ANKRD45: variants seen among roughly 807,000 people sequenced by gnomAD.
The protein encoded by ANKRD45 is ankyrin repeat domain-containing protein 45.
In ANKRD45, 21 loss-of-function variants were observed where a neutral mutation model predicts 28.1. That is an observed-to-expected ratio of 0.75 (90% CI 0.53 to 1.08). ANKRD45 has a LOEUF of 1.08. ANKRD45 is among the 50% of genes least tolerant of loss of function. The pLI is 0.00. For synonymous variants in ANKRD45, 86 were observed against 103.9 expected, an observed-to-expected ratio of 0.83 and a Z score of 1.05; for missense variants, 261 against 308.7, an observed-to-expected ratio of 0.85 and a Z score of 1.16.
In ANKRD45 at chr1:173,659,188, C is replaced by G. The variant is rs1385597682; in HGVS notation, c.231G>C (p.Gly77=). The change falls in exon 2 of 6, where the codon GGG becomes GGC. Residue 77 remains glycine, a synonymous_variant. Coordinates refer to ENST00000333279, the MANE Select transcript of ANKRD45 (RefSeq NM_198493.3). ...MQLLLEEDIV[G]RNLLYAACMA... is the part of the protein sequence containing the mutation. ...TGCAAGCTGCATACAACAAATTTCT[C>G]CCAACGATGTCTTCTTCTAAGAGAA... 1 of 1,614,080 alleles carries G rather than the reference C, an allele frequency of 6.2e-7. No homozygotes were observed. The highest frequency in any genetic ancestry group is 1.1e-5 in the South Asian group (1 of 91,080).
At chr1:173,644,993 CAAA>C (rs34936839) in intron 3 of ANKRD45, among the ~76,000 whole-genome samples, 14 of 131,322 alleles carry the variant, frequency 1.1e-4, no homozygotes, top group Non-Finnish European at 9.6e-5. Context: ...AACTCCATCT[CAAA>C]AAAAAAAAAA....
At chr1:173,708,098 C>T in the ANKRD45 span, among the ~76,000 whole-genome samples, 2 of 152,200 alleles carry the variant, frequency 1.3e-5, no homozygotes, top group Non-Finnish European at 2.9e-5. Flanking sequence ...TCAGCTATTT[C>T]TATTTTTAGA....
chr1:173,692,323 A>G, the ANKRD45 span, among the ~76,000 whole-genome samples: 3 of 152,222 alleles, frequency 2.0e-5, no homozygotes, highest in African/African-American at 7.2e-5. Context: ...TAAGATGAAC[A>G]TTGGTTCCGT....
At chr1:173,670,254 G>C (rs1483920536), upstream of ANKRD45, among the ~76,000 whole-genome samples, 1 of 152,088 alleles carries the variant, frequency 6.6e-6, no homozygotes, top group East Asian at 1.9e-4. Flanking sequence ...CCTCACAAGT[G>C]CCAACTACCT....
At chr1:173,682,048 C>CA in the ANKRD45 span, among the ~76,000 whole-genome samples, 691 of 88,578 alleles carry the variant, frequency 7.8e-3, 2 homozygotes, top group Middle Eastern at 0.045. Flanking sequence ...GACTCTGTCT[C>CA]AAAAAAAAAA....
At chr1:173,614,626 G>A (rs1182867946) in intron 5 of ANKRD45, among the ~76,000 whole-genome samples, 3 of 152,012 alleles carry the variant, frequency 2.0e-5, no homozygotes, top group Admixed American at 2.0e-4. Context: ...TACTTTTGCA[G>A]TCATTTACAG....
intron 3 of ANKRD45, among the ~76,000 whole-genome samples, chr1:173,629,643 A>G (rs1444740881): frequency 6.6e-6 from 1 of 152,128 alleles, no homozygotes; most frequent in East Asian, 1.9e-4. Context: ...AAAACAATGA[A>G]GCACTCCTAT....
At chr1:173,641,384 G>A (rs1222757208) in intron 3 of ANKRD45, among the ~76,000 whole-genome samples, 3 of 152,158 alleles carry the variant, frequency 2.0e-5, no homozygotes, top group African/African-American at 7.2e-5. Context: ...ATCATGCCAA[G>A]CTCTCTCTGC....
the ANKRD45 span, among the ~76,000 whole-genome samples, chr1:173,713,491 T>C: frequency 6.6e-6 from 1 of 152,230 alleles, no homozygotes; most frequent in African/African-American, 2.4e-5. Flanking sequence ...TGAGCCTGAA[T>C]TCTGTTAAGT....
chr1:173,638,978 CAT>C (rs1428133993), intron 3 of ANKRD45, among the ~76,000 whole-genome samples: 1 of 152,118 alleles, frequency 6.6e-6, no homozygotes, highest in Non-Finnish European at 1.5e-5. Flanking sequence ...AGGAGAAAAA[CAT>C]AATAGGTATT....
chr1:173,672,484 A>G (rs563743145), upstream of ANKRD45, among the ~76,000 whole-genome samples: 3 of 152,354 alleles, frequency 2.0e-5, no homozygotes, highest in South Asian at 4.1e-4. Flanking sequence ...ATTAATCTTC[A>G]GGGGATATGA....
chr1:173,706,914 G>A, the ANKRD45 span, among the ~76,000 whole-genome samples: 2 of 152,132 alleles, frequency 1.3e-5, no homozygotes, highest in South Asian at 4.1e-4. Flanking sequence ...TCACAAATGA[G>A]TGCATTCTTC....
At chr1:173,707,220 C>T in the ANKRD45 span, among the ~76,000 whole-genome samples, 1 of 151,708 alleles carries the variant, frequency 6.6e-6, no homozygotes, top group Admixed American at 6.6e-5. Flanking sequence ...TGTGTTTTTC[C>T]TAATTGTCAT....
chr1:173,682,139 A>G, the ANKRD45 span, among the ~76,000 whole-genome samples: 2 of 152,142 alleles, frequency 1.3e-5, no homozygotes, highest in African/African-American at 4.8e-5. Flanking sequence ...TTATTTAAAT[A>G]GGGACTACTT....
chr1:173,630,376 G>A (rs1006478266), intron 3 of ANKRD45, among the ~76,000 whole-genome samples: 3 of 152,008 alleles, frequency 2.0e-5, no homozygotes, highest in African/African-American at 7.3e-5. Flanking sequence ...CGGTACAATA[G>A]GATATAAATA....
At chr1:173,654,572 G>A (rs1170404825) in intron 2 of ANKRD45, among the ~76,000 whole-genome samples, 1 of 152,138 alleles carries the variant, frequency 6.6e-6, no homozygotes, top group Non-Finnish European at 1.5e-5. Flanking sequence ...ACAATTATGT[G>A]TCTTGGGGTT....
At chr1:173,644,458 G>A (rs1460169151) in intron 3 of ANKRD45, among the ~76,000 whole-genome samples, 1 of 152,026 alleles carries the variant, frequency 6.6e-6, no homozygotes, top group Admixed American at 6.5e-5. Context: ...TCATTGATCT[G>A]GAAACACAAT....
At chr1:173,670,725 G>T (rs1670220881), upstream of ANKRD45, among the ~76,000 whole-genome samples, 1 of 152,184 alleles carries the variant, frequency 6.6e-6, no homozygotes. Flanking sequence ...GTTGTTAACT[G>T]TCTCTCTAAA....
At chr1:173,613,571 C>A (rs1482656645) in intron 5 of ANKRD45, among the ~76,000 whole-genome samples, 1 of 149,518 alleles carries the variant, frequency 6.7e-6, no homozygotes, top group Admixed American at 6.6e-5. Context: ...AGCCCCCCCC[C>A]CGGCCAGCCG....
Sources: gnomAD v4.1 joint callset for allele counts (sites outside exome capture counted in the v4.1 genomes callset) on GRCh38, gnomAD v4.1.1 for gene constraint, MANE v1.5 for transcripts, NCBI Gene and HGNC (gene_info 2026-07-23, HGNC 2026-07-21) for gene names.